Variants in RBFOX1 observed in about 807,000 individuals in gnomAD.
RBFOX1 encodes RNA binding fox-1 homolog 1.
Under a neutral mutation model 57.7 loss-of-function variants are expected in RBFOX1, and 8 were observed. The ratio of observed to expected loss-of-function variants is 0.14; its 90% CI spans 0.08 to 0.25. The LOEUF (loss-of-function observed/expected upper bound fraction) is 0.25. Among genes scored for constraint, RBFOX1 ranks in the 10% least tolerant of loss-of-function variants. The pLI, the probability that RBFOX1 is intolerant of heterozygous loss-of-function variation, is 1.00. For synonymous variants in RBFOX1, 326 were observed against 222.4 expected, an observed-to-expected ratio of 1.47 and a Z score of -4.15; for missense variants, 611 against 548.5, an observed-to-expected ratio of 1.11 and a Z score of -1.14.
At chr16:6,351,373 T>TA (rs61442398) in intron 2 of RBFOX1, among the ~76,000 whole-genome samples, 6,093 of 99,364 alleles carry the variant, frequency 0.061, 223 homozygotes, top group African/African-American at 0.18. Context: ...TATATATATA[T>TA]TTTTTTTTTT....
At chr16:6,690,289 G>A (rs1013556087) in intron 3 of RBFOX1, among the ~76,000 whole-genome samples, 13 of 152,032 alleles carry the variant, frequency 8.6e-5, no homozygotes, top group African/African-American at 1.5e-4. Context: ...GAGAAACAAT[G>A]ATAATATGTG....
intron 2 of RBFOX1, among the ~76,000 whole-genome samples, chr16:5,585,182 C>A (rs529865631): frequency 6.6e-6 from 1 of 152,184 alleles, no homozygotes; most frequent in Non-Finnish European, 1.5e-5. Context: ...GCCCTCCCCC[C>A]GTCCCTGGAA....
intron 2 of RBFOX1, among the ~76,000 whole-genome samples, chr16:5,538,228 A>C (rs942681878): frequency 1.3e-5 from 2 of 152,246 alleles, no homozygotes; most frequent in Admixed American, 1.3e-4. Context: ...TATGGATTCA[A>C]ATGACACCTC....
At chr16:6,944,969 C>T (rs1012104359) in intron 3 of RBFOX1, among the ~76,000 whole-genome samples, 2 of 152,126 alleles carry the variant, frequency 1.3e-5, no homozygotes, top group Non-Finnish European at 2.9e-5. Flanking sequence ...GTATGGAGTA[C>T]TCTTTGCTCC....
At chr16:5,597,441 C>G (rs1415850532) in intron 2 of RBFOX1, among the ~76,000 whole-genome samples, 3 of 144,412 alleles carry the variant, frequency 2.1e-5, no homozygotes, top group African/African-American at 7.8e-5. Context: ...TCTCGTCGCT[C>G]AGGCTGGAGT....
intron 12 of RBFOX1, among the ~76,000 whole-genome samples, chr16:7,663,566 G>T (rs904132946): frequency 3.3e-5 from 5 of 151,592 alleles, no homozygotes; most frequent in Non-Finnish European, 7.4e-5. Context: ...AATATGCTTT[G>T]CTTACATGTG....
intron 4 of RBFOX1, among the ~76,000 whole-genome samples, chr16:7,176,034 A>G (rs995270444): frequency 1.1e-4 from 16 of 152,054 alleles, no homozygotes; most frequent in African/African-American, 3.4e-4. Flanking sequence ...TCATTTTGAC[A>G]TGTAACCAAG....
intron 1 of RBFOX1, among the ~76,000 whole-genome samples, chr16:6,099,825 C>G (rs1384309263): frequency 6.6e-6 from 1 of 152,116 alleles, no homozygotes; most frequent in African/African-American, 2.4e-5. Context: ...TCTCAAAGAC[C>G]TCACCCTAAT....
At chr16:7,004,162 T>G (rs1051842092) in intron 3 of RBFOX1, 2 of 152,076 alleles carry the variant, frequency 1.3e-5, no homozygotes, top group African/African-American at 4.8e-5. Context: ...TTAAATCTTA[T>G]GCACAGAAGA....
intron 5 of RBFOX1, among the ~76,000 whole-genome samples, chr16:7,572,219 T>G (rs1219518302): frequency 6.6e-6 from 1 of 152,186 alleles, no homozygotes; most frequent in African/African-American, 2.4e-5. Flanking sequence ...CACAAAGACT[T>G]GGATGTAATT....
chr16:5,959,767 G>A (rs1445894319), intron 4 of RBFOX1, among the ~76,000 whole-genome samples: 6 of 152,192 alleles, frequency 3.9e-5, no homozygotes, highest in East Asian at 1.9e-4. Flanking sequence ...AGCCGAGATC[G>A]CACCACTGAA....
chr16:5,799,768 C>A (rs1187010421), intron 3 of RBFOX1, among the ~76,000 whole-genome samples: 1 of 152,068 alleles, frequency 6.6e-6, no homozygotes, highest in Non-Finnish European at 1.5e-5. Flanking sequence ...TGGGATGTTA[C>A]CCCATTGTAA....
At chr16:6,263,592 A>T (rs1254848562) in intron 1 of RBFOX1, among the ~76,000 whole-genome samples, 4 of 152,270 alleles carry the variant, frequency 2.6e-5, no homozygotes, top group East Asian at 3.9e-4. Context: ...AACAAGAACT[A>T]GTCTCCCTCC....
chr16:5,566,469 G>A (rs1477906149), intron 2 of RBFOX1, among the ~76,000 whole-genome samples: 2 of 152,000 alleles, frequency 1.3e-5, no homozygotes, highest in Non-Finnish European at 2.9e-5. Context: ...TGTAGAACCC[G>A]CTCCCTCGGG....
chr16:6,562,403 T>C (rs2153919422), intron 2 of RBFOX1, among the ~76,000 whole-genome samples: 1 of 152,358 alleles, frequency 6.6e-6, no homozygotes, highest in South Asian at 2.1e-4. Context: ...TCAGAGCACA[T>C]ATTGAATATT....
chr16:5,724,691 C>G (rs1291499358), intron 3 of RBFOX1, among the ~76,000 whole-genome samples: 4 of 152,162 alleles, frequency 2.6e-5, no homozygotes, highest in African/African-American at 9.7e-5. Flanking sequence ...TCCCATCACA[C>G]AGAGAGCCCA....
intron 2 of RBFOX1, among the ~76,000 whole-genome samples, chr16:6,535,045 A>G (rs2096716094): frequency 6.6e-6 from 1 of 152,204 alleles, no homozygotes; most frequent in Non-Finnish European, 1.5e-5. Flanking sequence ...ACAGCATTGG[A>G]TTCCGCATCC....
chr16:6,018,593 A>G (rs1234893298), upstream of RBFOX1, among the ~76,000 whole-genome samples: 2 of 152,142 alleles, frequency 1.3e-5, no homozygotes, highest in Non-Finnish European at 2.9e-5. Flanking sequence ...CACCCACCCC[A>G]GCCCTGCATC....
chr16:6,399,524 G>C (rs1041457338), intron 2 of RBFOX1, among the ~76,000 whole-genome samples: 6 of 151,980 alleles, frequency 3.9e-5, no homozygotes, highest in Non-Finnish European at 8.8e-5. Flanking sequence ...ACCTCAGCCA[G>C]GACTTCATTG....
Sources: allele counts gnomAD v4.1 joint callset (sites outside exome capture counted in the v4.1 genomes callset), GRCh38; gene constraint gnomAD v4.1.1; transcripts MANE v1.5; gene names NCBI Gene and HGNC (gene_info 2026-07-23, HGNC 2026-07-21).